GRAMD1B: variants seen among roughly 807,000 people sequenced by gnomAD.
GRAMD1B encodes protein Aster-B.
A neutral mutation model predicts 99.7 loss-of-function variants in GRAMD1B; 37 were observed. The ratio of observed to expected loss-of-function variants is 0.37; its 90% CI spans 0.29 to 0.49. GRAMD1B has a LOEUF of 0.49. Among genes scored for constraint, GRAMD1B ranks in the 20% least tolerant of loss-of-function variants. GRAMD1B has a pLI of 0.98. For synonymous variants in GRAMD1B, 427 were observed against 387.6 expected (o/e 1.10, Z -1.19); for missense variants, 888 against 1,009.2 (o/e 0.88, Z 1.63).
intron 2 of GRAMD1B, among the ~76,000 whole-genome samples, chr11:123,499,905 A>G (rs1939685247): frequency 6.6e-6 from 1 of 152,234 alleles, no homozygotes; most frequent in African/African-American, 2.4e-5. Flanking sequence ...TGGGATCCAC[A>G]AGGGGAGCAA....
At chr11:123,388,151 T>A (rs113195697) in intron 1 of GRAMD1B, among the ~76,000 whole-genome samples, 3,031 of 108,182 alleles carry the variant, frequency 0.028, 43 homozygotes, top group South Asian at 0.05. Context: ...AAAAAAAAAA[T>A]AGCTATGGTT....
chr11:123,543,197 A>G (rs1483652536), intron 2 of GRAMD1B, among the ~76,000 whole-genome samples: 1 of 152,132 alleles, frequency 6.6e-6, no homozygotes, highest in Non-Finnish European at 1.5e-5. Context: ...GAGAACGCCA[A>G]CCATAGCCTC....
intron 2 of GRAMD1B, among the ~76,000 whole-genome samples, chr11:123,504,650 C>T (rs1181348725): frequency 4.6e-5 from 7 of 152,064 alleles, no homozygotes; most frequent in African/African-American, 7.2e-5. Context: ...CACCTCTCTC[C>T]TCCCACTTCC....
chr11:123,427,433 G>T (rs184932783), upstream of GRAMD1B, among the ~76,000 whole-genome samples: 1 of 152,334 alleles, frequency 6.6e-6, no homozygotes, highest in Admixed American at 6.5e-5. Flanking sequence ...TTCCAAAAGT[G>T]TAAAGGTCAC....
At chr11:123,477,400 G>T (rs1391419229) in intron 1 of GRAMD1B, among the ~76,000 whole-genome samples, 1 of 149,812 alleles carries the variant, frequency 6.7e-6, no homozygotes, top group African/African-American at 2.5e-5. Context: ...AACGGTAAGT[G>T]GTAAATGGAA....
At chr11:123,583,393 T>C (rs546153577) in intron 3 of GRAMD1B, among the ~76,000 whole-genome samples, 7 of 45,880 alleles carry the variant, frequency 1.5e-4, no homozygotes, top group Admixed American at 1.4e-3. Context: ...TGTGTATGTG[T>C]GCGTGTGTGT....
chr11:123,569,366 T>C (rs1157666740), intron 2 of GRAMD1B, among the ~76,000 whole-genome samples: 1 of 152,176 alleles, frequency 6.6e-6, no homozygotes, highest in Non-Finnish European at 1.5e-5. Context: ...TTGGGGGCCC[T>C]GCTGGTATTT....
At chr11:123,468,149 A>G (rs972922639) in intron 1 of GRAMD1B, among the ~76,000 whole-genome samples, 1 of 152,144 alleles carries the variant, frequency 6.6e-6, no homozygotes, top group Admixed American at 6.5e-5. Flanking sequence ...GGTGTGAGTC[A>G]CCGCACCCAG....
At chr11:123,526,297 G>C in intron 2 of GRAMD1B, 1 of 786,136 alleles carries the variant, frequency 1.3e-6, no homozygotes, top group South Asian at 1.5e-5. Context: ...TTAAGATGTG[G>C]GGACTAGGCA....
chr11:123,618,360 C>A, intron 17 of GRAMD1B: 1 of 1,612,242 alleles, frequency 6.2e-7, no homozygotes, highest in Non-Finnish European at 8.5e-7. Flanking sequence ...GTTTCAGGTA[C>A]TGGCTCTATG....
At chr11:123,368,829 A>C (rs573242078) in intron 1 of GRAMD1B, among the ~76,000 whole-genome samples, 10 of 152,258 alleles carry the variant, frequency 6.6e-5, no homozygotes, top group African/African-American at 2.4e-4. Flanking sequence ...AATAGTGTCA[A>C]TGAAGTCCCA....
intron 1 of GRAMD1B, among the ~76,000 whole-genome samples, chr11:123,469,493 G>C (rs1950459530): frequency 6.6e-6 from 1 of 152,094 alleles, no homozygotes; most frequent in African/African-American, 2.4e-5. Flanking sequence ...GTAGGACTTG[G>C]TGTCAAACTG....
At chr11:123,457,947 C>A (rs183215580) in intron 1 of GRAMD1B, among the ~76,000 whole-genome samples, 2 of 152,276 alleles carry the variant, frequency 1.3e-5, no homozygotes, top group Admixed American at 1.3e-4. Context: ...AACTCCTGGG[C>A]TCAAGGAATC....
intron 1 of GRAMD1B, among the ~76,000 whole-genome samples, chr11:123,368,409 A>AGT (rs1262896925): frequency 6.6e-6 from 1 of 151,818 alleles, no homozygotes; most frequent in Non-Finnish European, 1.5e-5. Context: ...AGGCTGGAAC[A>AGT]GTGGTTCACA....
chr11:123,556,296 G>A (rs1290631049), intron 2 of GRAMD1B, among the ~76,000 whole-genome samples: 1 of 152,206 alleles, frequency 6.6e-6, no homozygotes, highest in Non-Finnish European at 1.5e-5. Flanking sequence ...CTCTGTAAAA[G>A]TTTTTAAATT....
intron 1 of GRAMD1B, among the ~76,000 whole-genome samples, chr11:123,391,888 A>G (rs1947295602): frequency 6.6e-6 from 1 of 152,332 alleles, no homozygotes; most frequent in South Asian, 2.1e-4. Flanking sequence ...CTGCGTGTGC[A>G]TGGGGCCAGG....
chr11:123,610,364 G>A lies in GRAMD1B; in HGVS notation c.1919+26G>A, dbSNP rs746220101. 24 of 1,611,284 alleles carry A rather than the reference G, an allele frequency of 1.5e-5. No homozygotes were observed. The highest frequency in any genetic ancestry group is 5.3e-5 in the African/African-American group (4 of 74,878). ...GTGTGGTGTGTGGAAGTCCCAGTGCGGTCAGACGGGGGTCCTTACCTTAGA... is the reference window on the plus strand; with the variant it reads ...GTGTGGTGTGTGGAAGTCCCAGTGCAGTCAGACGGGGGTCCTTACCTTAGA... On this transcript the variant is annotated intron_variant, in intron 14 of 19. Coordinates refer to ENST00000635736, the MANE Select transcript of GRAMD1B (RefSeq NM_001387025.1). The surrounding 1 kb of genome is among the most constrained non-coding windows in gnomAD (Gnocchi z 4.1).
intron 1 of GRAMD1B, among the ~76,000 whole-genome samples, chr11:123,467,394 CTTTTTTTT>C (rs11447711): frequency 1.9e-5 from 2 of 103,340 alleles, no homozygotes; most frequent in Admixed American, 1.2e-4. Context: ...TTTTCAACAC[CTTTTTTTT>C]TTTTTTTTTT....
At chr11:123,549,271 G>A (rs1591946501) in intron 2 of GRAMD1B, among the ~76,000 whole-genome samples, 1 of 152,090 alleles carries the variant, frequency 6.6e-6, no homozygotes, top group Admixed American at 6.6e-5. Context: ...GGGGCCGGGC[G>A]CAGCAGCTCA....
Sources: gnomAD v4.1 joint callset for allele counts (sites outside exome capture counted in the v4.1 genomes callset) on GRCh38, gnomAD v4.1.1 for gene constraint, Gnocchi (gnomAD v3.1) non-coding constraint, MANE v1.5 for transcripts, NCBI Gene and HGNC (gene_info 2026-07-23, HGNC 2026-07-21) for gene names.